PLXDC2: variants seen among roughly 807,000 people sequenced by gnomAD.
The protein encoded by PLXDC2 is plexin domain-containing protein 2.
Under a neutral mutation model 68.9 loss-of-function variants are expected in PLXDC2, and 40 were observed. The observed-to-expected ratio is 0.58, with a 90% CI of 0.45 to 0.76. PLXDC2 has a LOEUF of 0.76. Among genes scored for constraint, PLXDC2 ranks in the 30% least tolerant of loss-of-function variants. The probability of loss-of-function intolerance (pLI) is 0.00; values close to 1 mark genes in which losing one functional copy is unlikely to be tolerated. For missense variants in PLXDC2, 644 were observed against 661.9 expected, an observed-to-expected ratio of 0.97 and a Z score of 0.30; for synonymous variants, 243 against 234.2, an observed-to-expected ratio of 1.04 and a Z score of -0.34.
At chr10:20,235,564 G>A (rs1835421672) in intron 12 of PLXDC2, among the ~76,000 whole-genome samples, 3 of 152,090 alleles carry the variant, frequency 2.0e-5, no homozygotes, top group Admixed American at 2.0e-4. Context: ...TGTCCATTTT[G>A]CAGAAAAGAA....
intron 1 of PLXDC2, among the ~76,000 whole-genome samples, chr10:19,819,038 A>ACACG (rs1398436418): frequency 6.7e-6 from 1 of 148,416 alleles, no homozygotes; most frequent in African/African-American, 2.5e-5. Context: ...GTATACACAC[A>ACACG]CACACACACA....
chr10:19,999,922 G>A (rs938996446), intron 1 of PLXDC2, among the ~76,000 whole-genome samples: 2 of 152,116 alleles, frequency 1.3e-5, no homozygotes, highest in East Asian at 1.9e-4. Context: ...ACAAAAGCAC[G>A]GAGACTTTTT....
intron 3 of PLXDC2, among the ~76,000 whole-genome samples, chr10:20,048,392 T>C (rs1042640999): frequency 6.6e-6 from 1 of 152,002 alleles, no homozygotes; most frequent in Non-Finnish European, 1.5e-5. Flanking sequence ...CAGTTTTTTC[T>C]ATATTCAGGC....
chr10:20,085,184 A>G (rs7918203), intron 4 of PLXDC2, among the ~76,000 whole-genome samples: 105,808 of 150,588 alleles, frequency 0.7, 39,224 homozygotes, highest in East Asian at 1. Context: ...AGGTGGGGGG[A>G]GCCTATGTGA....
At chr10:20,158,501 C>CAAAAAAAAAAAAAAAAAAA (rs59079629) in intron 6 of PLXDC2, among the ~76,000 whole-genome samples, 13 of 118,766 alleles carry the variant, frequency 1.1e-4, no homozygotes, top group Non-Finnish European at 1.7e-4. Context: ...TCTGTCTCTG[C>CAAAAAAAAAAAAAAAAAAA]AAAAAAAAAA....
intron 2 of PLXDC2, among the ~76,000 whole-genome samples, chr10:20,002,249 T>C (rs1438268542): frequency 1.3e-5 from 2 of 150,486 alleles, no homozygotes; most frequent in East Asian, 3.9e-4. Context: ...AAGGAATTCA[T>C]TGTGTAAGAG....
At chr10:20,000,803 C>A (rs1438911872) in intron 1 of PLXDC2, among the ~76,000 whole-genome samples, 1 of 152,134 alleles carries the variant, frequency 6.6e-6, no homozygotes, top group Non-Finnish European at 1.5e-5. Context: ...TAAATCACTG[C>A]TCCTTCTGCC....
intron 1 of PLXDC2, among the ~76,000 whole-genome samples, chr10:19,958,096 G>A (rs1834099669): frequency 6.6e-6 from 1 of 151,706 alleles, no homozygotes; most frequent in Non-Finnish European, 1.5e-5. Context: ...TATCTTCTTG[G>A]ATTAACACCT....
At chr10:20,001,672 A>G (rs1834940580) in intron 1 of PLXDC2, 103 bp from the exon 2 acceptor site, 1 of 998,446 alleles carries the variant, frequency 1.0e-6, no homozygotes, top group South Asian at 1.5e-5. Context: ...TTAGTTTCCT[A>G]TTCTCGTGCC....
chr10:20,197,591 C>T (rs569552518), intron 9 of PLXDC2, among the ~76,000 whole-genome samples: 2 of 152,216 alleles, frequency 1.3e-5, no homozygotes, highest in East Asian at 1.9e-4. Flanking sequence ...CTCTTGACCT[C>T]GTGATCCACC....
intron 1 of PLXDC2, among the ~76,000 whole-genome samples, chr10:19,850,971 T>G (rs960468775): frequency 6.6e-6 from 1 of 152,210 alleles, no homozygotes; most frequent in Non-Finnish European, 1.5e-5. Flanking sequence ...CATTCAGGTA[T>G]GTAACCCCAG....
At chr10:20,013,077 T>C (rs1835145684) in intron 2 of PLXDC2, among the ~76,000 whole-genome samples, 1 of 152,244 alleles carries the variant, frequency 6.6e-6, no homozygotes, top group Non-Finnish European at 1.5e-5. Context: ...TTTATATATT[T>C]ATGCAGTCTC....
chr10:19,966,393 T>TAA (rs11452500), intron 1 of PLXDC2, among the ~76,000 whole-genome samples: 4 of 65,832 alleles, frequency 6.1e-5, no homozygotes, highest in African/African-American at 1.4e-4. Context: ...TGCACATATA[T>TAA]AAAATATATA....
intron 9 of PLXDC2, among the ~76,000 whole-genome samples, chr10:20,196,767 G>C (rs1047203994): frequency 7.2e-5 from 11 of 152,266 alleles, no homozygotes; most frequent in African/African-American, 2.6e-4. Flanking sequence ...ACAGACAATT[G>C]TTGAACACGG....
chr10:19,905,125 A>G (rs2131370200), intron 1 of PLXDC2, among the ~76,000 whole-genome samples: 1 of 152,276 alleles, frequency 6.6e-6, no homozygotes, highest in Non-Finnish European at 1.5e-5. Context: ...GGGAAACAGA[A>G]CCTCGTGTGC....
chr10:19,826,306 C>T (rs1301087950), intron 1 of PLXDC2, among the ~76,000 whole-genome samples: 1 of 152,066 alleles, frequency 6.6e-6, no homozygotes, highest in African/African-American at 2.4e-5. Flanking sequence ...TTATATAGGT[C>T]CTGGGAATAT....
intron 4 of PLXDC2, among the ~76,000 whole-genome samples, chr10:20,081,929 C>T (rs1836566138): frequency 6.6e-6 from 1 of 151,102 alleles, no homozygotes; most frequent in Non-Finnish European, 1.5e-5. Flanking sequence ...CCTGTAGTGC[C>T]AGGTACTTGG....
chr10:20,203,514 C>G (rs543905379), intron 9 of PLXDC2, among the ~76,000 whole-genome samples: 1 of 151,870 alleles, frequency 6.6e-6, no homozygotes, highest in African/African-American at 2.4e-5. Flanking sequence ...TTTTGCCAGG[C>G]TACTCAGGCT....
intron 4 of PLXDC2, among the ~76,000 whole-genome samples, chr10:20,098,433 T>C (rs548499091): frequency 6.6e-6 from 1 of 151,904 alleles, no homozygotes; most frequent in African/African-American, 2.4e-5. Flanking sequence ...TAAGGATATA[T>C]GGATTGCATT....
Sources: allele counts gnomAD v4.1 joint callset (sites outside exome capture counted in the v4.1 genomes callset), GRCh38; gene constraint gnomAD v4.1.1; transcripts MANE v1.5; gene names NCBI Gene and HGNC (gene_info 2026-07-23, HGNC 2026-07-21).